The following LYPD6B variants were observed in gnomAD, a reference collection of about 807,000 sequenced individuals.
LYPD6B encodes the protein LY6/PLAUR domain containing 6B.
LYPD6B carries 17 observed loss-of-function variants against 22.8 expected under a neutral mutation model. The ratio of observed to expected loss-of-function variants is 0.75; its 90% CI spans 0.51 to 1.12. LYPD6B has a LOEUF of 1.12. LYPD6B is among the 50% of genes most tolerant of loss of function. The probability of loss-of-function intolerance (pLI) is 0.00; values close to 1 mark genes in which losing one functional copy is unlikely to be tolerated. For missense variants in LYPD6B, 221 were observed against 258.3 expected (o/e 0.86, Z 0.99); for synonymous variants, 106 against 91.6 (o/e 1.16, Z -0.90).
intron 3 of LYPD6B, among the ~76,000 whole-genome samples, chr2:149,166,859 C>A (rs1690458195): frequency 6.6e-6 from 1 of 152,058 alleles, no homozygotes; most frequent in African/African-American, 2.4e-5. Flanking sequence ...ACTAGGGAGA[C>A]CCAAGCTGCA....
intron 1 of LYPD6B, among the ~76,000 whole-genome samples, chr2:149,066,002 G>A (rs764074164): frequency 1.1e-4 from 17 of 152,072 alleles, no homozygotes; most frequent in Non-Finnish European, 5.9e-5. Flanking sequence ...CTGAGCTACC[G>A]CACTCGGCCC....
intron 1 of LYPD6B, among the ~76,000 whole-genome samples, chr2:149,120,383 A>ATATATATTTTT (rs1327065975): frequency 2.1e-5 from 1 of 48,612 alleles, no homozygotes; most frequent in East Asian, 1.5e-3. Flanking sequence ...ATATATATAT[A>ATATATATTTTT]TTTTTTTTTT....
chr2:149,148,499 C>T (rs421468), intron 2 of LYPD6B, among the ~76,000 whole-genome samples: 19,653 of 152,154 alleles, frequency 0.13, 1,798 homozygotes, highest in African/African-American at 0.26. Context: ...CTTTTTGGCT[C>T]ATGGACCTTT....
Position 149,160,389 on chromosome 2 carries a change from C to T in LYPD6B, c.6-375C>T, listed in dbSNP as rs376107742. ...GGATGTGTTGAATGTGTGAATGCTACGGCCTGCCAAATACCCTGATATATG... is the reference window on the plus strand; with the variant it reads ...GGATGTGTTGAATGTGTGAATGCTATGGCCTGCCAAATACCCTGATATATG... On this transcript the variant is annotated intron_variant, in intron 2 of 6. Coordinates refer to ENST00000409642, the MANE Select transcript of LYPD6B (RefSeq NM_177964.5). The T allele has an allele frequency of 1.9e-4, 88 of 458,970 alleles. 1 individual carries two copies. The highest frequency in any genetic ancestry group is 1.2e-3 in the South Asian group (77 of 64,394). 28.4% of individuals were successfully genotyped at this position (458,970 alleles called of 1,614,324 possible).
At chr2:149,161,346 C>T (rs985810883) in intron 3 of LYPD6B, 6 of 157,744 alleles carry the variant, frequency 3.8e-5, no homozygotes, top group African/African-American at 1.4e-4. Flanking sequence ...AGTGTTACCC[C>T]AACAAAGAAG....
chr2:149,144,501 C>A (rs1259714771), intron 2 of LYPD6B, among the ~76,000 whole-genome samples: 1 of 152,188 alleles, frequency 6.6e-6, no homozygotes, highest in Non-Finnish European at 1.5e-5. Flanking sequence ...AAGCGAGTCT[C>A]CTGCCTTAGC....
intron 2 of LYPD6B, among the ~76,000 whole-genome samples, chr2:149,151,233 G>A (rs1010502481): frequency 6.6e-6 from 1 of 152,112 alleles, no homozygotes. Flanking sequence ...CTGGGGCACT[G>A]TAGTTTCTCC....
intron 3 of LYPD6B, among the ~76,000 whole-genome samples, chr2:149,188,131 C>A (rs572152563): frequency 3.3e-5 from 5 of 152,114 alleles, no homozygotes; most frequent in Admixed American, 6.5e-5. Flanking sequence ...TTCTTTTGCT[C>A]ACCTGTATGG....
rs539560380 is a variant in LYPD6B, at chr2:149,043,460, G to C, written c.-67+4659G>C. 9.9e-5 allele frequency among the ~76,000 whole-genome samples: 15 copies of C among 152,260 alleles called. No individual in the cohort carries two copies. The East Asian group carries it at 2.1e-3, about 22-fold the overall frequency. Reference sequence around the variant, plus strand: ...AACGCAAATAAAATTTTAAAGTGTTGAAGTGTTTTGCAGAGGTAATTTTAA... The same window carrying C: ...AACGCAAATAAAATTTTAAAGTGTTCAAGTGTTTTGCAGAGGTAATTTTAA... On this transcript the variant is annotated intron_variant, in intron 1 of 6. Coordinates refer to ENST00000409642, the MANE Select transcript of LYPD6B (RefSeq NM_177964.5).
chr2:149,195,787 G>A (rs1692771908), intron 3 of LYPD6B, among the ~76,000 whole-genome samples: 1 of 151,956 alleles, frequency 6.6e-6, no homozygotes, highest in Non-Finnish European at 1.5e-5. Flanking sequence ...GACAAAAATG[G>A]AAATAGATAG....
chr2:149,083,720 G>C (rs180904242), intron 1 of LYPD6B, among the ~76,000 whole-genome samples: 5 of 152,106 alleles, frequency 3.3e-5, no homozygotes, highest in African/African-American at 1.2e-4. Context: ...CGTATGGCAC[G>C]ATGTGCTGCT....
chr2:149,056,022 T>G (rs922048903), intron 1 of LYPD6B, among the ~76,000 whole-genome samples: 1 of 152,226 alleles, frequency 6.6e-6, no homozygotes. Context: ...ATCTGAGTGA[T>G]AGAGCAGGAG....
chr2:149,201,013 G>T (rs1039362135), intron 3 of LYPD6B, among the ~76,000 whole-genome samples: 1 of 152,164 alleles, frequency 6.6e-6, no homozygotes, highest in Non-Finnish European at 1.5e-5. Flanking sequence ...CTCTGTGTTG[G>T]GAAAAATGTT....
In LYPD6B at chr2:149,151,400, T is replaced by A. The variant is rs184205999; in HGVS notation, c.6-9364T>A. 3.3e-5 allele frequency among the ~76,000 whole-genome samples: 5 copies of A among 152,338 alleles called. No homozygotes were observed. In the East Asian group the frequency reaches 9.7e-4, roughly 29 times the overall value. ...GTTCTCAGTCTCATACTTTATCCAC[T>A]GCTCCATTTTGCCTGATGCTTTCAA... On this transcript the variant is annotated intron_variant, in intron 2 of 6. Coordinates refer to ENST00000409642, the MANE Select transcript of LYPD6B (RefSeq NM_177964.5).
At chr2:149,123,949 A>G (rs78769868) in intron 1 of LYPD6B, among the ~76,000 whole-genome samples, 2,486 of 152,352 alleles carry the variant, frequency 0.016, 69 homozygotes, top group African/African-American at 0.052. Context: ...ATGATTTAGC[A>G]GCACATATTT....
intron 3 of LYPD6B, among the ~76,000 whole-genome samples, chr2:149,203,538 A>G (rs1355792625): frequency 6.6e-6 from 1 of 152,354 alleles, no homozygotes; most frequent in East Asian, 1.9e-4. Flanking sequence ...TTCTTCAGAA[A>G]GAGCATAAGA....
chr2:149,059,672 G>T (rs564157778), intron 1 of LYPD6B, among the ~76,000 whole-genome samples: 5 of 152,152 alleles, frequency 3.3e-5, no homozygotes, highest in Non-Finnish European at 7.3e-5. Context: ...ATGGGAGCAG[G>T]CACCCTGCTG....
At chr2:149,150,001 A>G (rs559484238) in intron 2 of LYPD6B, among the ~76,000 whole-genome samples, 2 of 152,206 alleles carry the variant, frequency 1.3e-5, no homozygotes, top group Non-Finnish European at 1.5e-5. Flanking sequence ...CTTTTGTTAT[A>G]TCAAAAGGCT....
intron 1 of LYPD6B, among the ~76,000 whole-genome samples, chr2:149,060,549 A>G (rs959769527): frequency 5.3e-5 from 8 of 152,150 alleles, no homozygotes; most frequent in African/African-American, 1.9e-4. Context: ...ACAATTATTT[A>G]TTATTACTCC....
Sources: allele counts gnomAD v4.1 joint callset (sites outside exome capture counted in the v4.1 genomes callset), GRCh38; gene constraint gnomAD v4.1.1; transcripts MANE v1.5; gene names NCBI Gene and HGNC (gene_info 2026-07-23, HGNC 2026-07-21).